Variants in OSBPL10 observed in about 807,000 individuals in gnomAD.
OSBPL10 encodes the protein oxysterol binding protein like 10, also known as oxysterol-binding protein-related protein 10.
OSBPL10 carries 49 observed loss-of-function variants against 81.7 expected under a neutral mutation model. The observed-to-expected ratio is 0.60, with a 90% CI of 0.48 to 0.76. OSBPL10 has a LOEUF of 0.76. OSBPL10 is among the 30% of genes least tolerant of loss of function. OSBPL10 has a pLI of 0.00. For missense variants in OSBPL10, 923 were observed against 987.8 expected (o/e 0.93, Z 0.88); for synonymous variants, 419 against 383.6 (o/e 1.09, Z -1.08).
At chr3:32,027,892 C>G (rs1327977185) in intron 2 of OSBPL10, among the ~76,000 whole-genome samples, 5 of 152,210 alleles carry the variant, frequency 3.3e-5, no homozygotes, top group Non-Finnish European at 7.4e-5. Flanking sequence ...AAGAGAAGAC[C>G]TTGAGCTTCT....
chr3:31,667,478 T>A (rs1217065956), intron 10 of OSBPL10, among the ~76,000 whole-genome samples: 1 of 152,268 alleles, frequency 6.6e-6, no homozygotes, highest in Non-Finnish European at 1.5e-5. Context: ...TATTTATACA[T>A]ACTGTGGTAT....
intron 2 of OSBPL10, among the ~76,000 whole-genome samples, chr3:32,031,548 G>T (rs1455613719): frequency 6.6e-6 from 1 of 151,434 alleles, no homozygotes; most frequent in African/African-American, 2.4e-5. Flanking sequence ...TGCAACCTCT[G>T]CCCCCCAGTT....
intron 2 of OSBPL10, among the ~76,000 whole-genome samples, chr3:32,001,444 T>C (rs941170356): frequency 2.0e-5 from 3 of 152,204 alleles, no homozygotes; most frequent in African/African-American, 7.2e-5. Context: ...GCTCTCATTG[T>C]GTTAAATTAA....
intron 4 of OSBPL10, among the ~76,000 whole-genome samples, chr3:31,754,608 G>A (rs370254876): frequency 6.6e-6 from 1 of 152,254 alleles, no homozygotes; most frequent in East Asian, 1.9e-4. Context: ...TGACCACTAG[G>A]TCGTCAATGA....
chr3:31,787,235 C>T (rs1483619140), intron 4 of OSBPL10, among the ~76,000 whole-genome samples: 1 of 152,126 alleles, frequency 6.6e-6, no homozygotes, highest in African/African-American at 2.4e-5. Context: ...AAAAATTAGG[C>T]TTCAGGGGTA....
At chr3:31,793,158 ATTCT>A (rs1269764971) in intron 4 of OSBPL10, among the ~76,000 whole-genome samples, 18 of 152,188 alleles carry the variant, frequency 1.2e-4, no homozygotes, top group African/African-American at 4.1e-4. Context: ...TATTTTTCTA[ATTCT>A]TTCTGTCTCT....
intron 1 of OSBPL10, among the ~76,000 whole-genome samples, chr3:31,929,697 G>A (rs930593750): frequency 2.7e-5 from 4 of 150,612 alleles, no homozygotes; most frequent in African/African-American, 7.3e-5. Flanking sequence ...GCAGTGAGCC[G>A]AGATAGCGCC....
At chr3:31,951,903 C>G (rs528614405) in intron 1 of OSBPL10, among the ~76,000 whole-genome samples, 2 of 152,020 alleles carry the variant, frequency 1.3e-5, no homozygotes, top group African/African-American at 4.8e-5. Flanking sequence ...AGATTTCCAC[C>G]AGCGAAGAAA....
chr3:31,905,345 A>ATTTGTTTTTTTTTTTTTTTTTTTTTT, intron 1 of OSBPL10, among the ~76,000 whole-genome samples: 1 of 94,818 alleles, frequency 1.1e-5, no homozygotes, highest in African/African-American at 4.7e-5. Context: ...GAACCTGGTG[A>ATTTGTTTTTTTTTTTTTTTTTTTTTT]TTTTTTTTTT....
intron 3 of OSBPL10, among the ~76,000 whole-genome samples, chr3:31,866,723 T>G (rs1701191731): frequency 6.6e-6 from 1 of 152,102 alleles, no homozygotes; most frequent in African/African-American, 2.4e-5. Context: ...AAGAGCTGCC[T>G]CACCTACTCT....
intron 2 of OSBPL10, among the ~76,000 whole-genome samples, chr3:31,996,766 G>A (rs1325963432): frequency 7.2e-5 from 11 of 152,046 alleles, no homozygotes; most frequent in Non-Finnish European, 8.8e-5. Context: ...AAAAGATCCC[G>A]CTATCAACTC....
intron 4 of OSBPL10, among the ~76,000 whole-genome samples, chr3:31,764,244 T>C (rs1698137311): frequency 6.6e-6 from 1 of 152,244 alleles, no homozygotes; most frequent in African/African-American, 2.4e-5. Flanking sequence ...ACACACAGAA[T>C]GAACTCACTA....
chr3:31,938,394 C>A (rs1261831544), intron 1 of OSBPL10, among the ~76,000 whole-genome samples: 1 of 152,190 alleles, frequency 6.6e-6, no homozygotes, highest in African/African-American at 2.4e-5. Context: ...AACCACACAA[C>A]CATTAACAGC....
chr3:31,901,904 C>T (rs1203658265), intron 1 of OSBPL10, among the ~76,000 whole-genome samples: 2 of 152,098 alleles, frequency 1.3e-5, no homozygotes, highest in African/African-American at 4.8e-5. Flanking sequence ...GTGCCGCGCA[C>T]CTGTGGTCCC....
intron 1 of OSBPL10, among the ~76,000 whole-genome samples, chr3:31,888,435 C>G (rs1315232175): frequency 4.6e-5 from 7 of 152,056 alleles, no homozygotes; most frequent in Non-Finnish European, 8.8e-5. Context: ...AGTGAGACCT[C>G]AAAAGCACAG....
intron 1 of OSBPL10, among the ~76,000 whole-genome samples, chr3:31,925,482 ATTT>A (rs34746076): frequency 0.067 from 9,845 of 147,236 alleles, 420 homozygotes; most frequent in East Asian, 0.18. Context: ...CATGCAAAGC[ATTT>A]TTTTTTTTTT....
intron 8 of OSBPL10, among the ~76,000 whole-genome samples, chr3:31,672,874 G>A (rs548606276): frequency 4.9e-4 from 75 of 152,276 alleles, no homozygotes; most frequent in African/African-American, 1.7e-3. Context: ...CTGGACTGGA[G>A]GGCAGGTATC....
At chr3:31,824,460 A>G (rs1452468159) in intron 4 of OSBPL10, among the ~76,000 whole-genome samples, 1 of 152,206 alleles carries the variant, frequency 6.6e-6, no homozygotes, top group Non-Finnish European at 1.5e-5. Context: ...AAATGGTCCA[A>G]ATCGTTCTTC....
At chr3:31,776,826 T>A (rs546560903) in intron 4 of OSBPL10, among the ~76,000 whole-genome samples, 2 of 152,220 alleles carry the variant, frequency 1.3e-5, no homozygotes, top group African/African-American at 4.8e-5. Context: ...GTATGGAGTA[T>A]TTTCTTGGGG....
Sources: allele counts gnomAD v4.1 joint callset (sites outside exome capture counted in the v4.1 genomes callset), GRCh38; gene constraint gnomAD v4.1.1; transcripts MANE v1.5; gene names NCBI Gene and HGNC (gene_info 2026-07-23, HGNC 2026-07-21).